Variants in TRIL observed in about 807,000 individuals in gnomAD.
TRIL encodes the protein TLR4 interactor with leucine rich repeats.
Under a neutral mutation model 43.0 loss-of-function variants are expected in TRIL, and 23 were observed. The ratio of observed to expected loss-of-function variants is 0.54; its 90% CI spans 0.39 to 0.76. TRIL has a LOEUF of 0.76. Ranked by LOEUF, TRIL falls within the 30% of genes least tolerant of loss-of-function variation. The probability of loss-of-function intolerance (pLI) is 0.00; values close to 1 mark genes in which losing one functional copy is unlikely to be tolerated. For synonymous variants in TRIL, 602 were observed against 556.8 expected (o/e 1.08, Z -1.14); for missense variants, 1,114 against 1,139.3 (o/e 0.98, Z 0.32).
rs1235171854 is a variant in TRIL at position 28,954,754 on chromosome 7, C to G, written c.*857G>C. On this transcript the variant is annotated 3_prime_UTR_variant, in exon 1 of 1. Transcript: ENST00000539664. ...CTACATATACATCACATTCTTTTAT[C>G]AAATCTGGCATTGAAATTTCCTTTT... 1.3e-5 allele frequency: 2 copies of G among 152,104 alleles called. No homozygotes were observed. The highest frequency in any genetic ancestry group is 4.8e-5 in the African/African-American group (2 of 41,412). The allele number at this position is 152,104 out of a possible 1,614,324, so 9.4% of individuals were successfully genotyped here.
In TRIL at chr7:28,954,110, A is replaced by G. The variant is rs1434114754; in HGVS notation, c.*1501T>C. On this transcript the variant is annotated 3_prime_UTR_variant, in exon 1 of 1. Coordinates refer to ENST00000539664, the MANE Select transcript of TRIL (RefSeq NM_014817.4). ...CACTGTGACCATAACCACAGTGTAC[A>G]TTCTCTTAGTGACTGCATTTTTAGA... 2.0e-5 allele frequency: 3 copies of G among 152,514 alleles called. No individual in the cohort carries two copies. The highest frequency in any genetic ancestry group is 4.4e-5 in the Non-Finnish European group (3 of 68,046). 9.4% of individuals were successfully genotyped at this position (152,514 alleles called of 1,614,324 possible).
Position 28,957,917 on chromosome 7 carries a change from T to G in TRIL, c.130A>C (p.Arg44=). 1 of 1,611,818 alleles carries G rather than the reference T, an allele frequency of 6.2e-7. No homozygotes were observed. The highest frequency in any genetic ancestry group is 8.5e-7 in the Non-Finnish European group (1 of 1,179,806). ...GTCTTGGGCACTACGCGGAGCCCCC[T>G]GTTGGTGCACAGGAGATGCTGGGGA... ...QHPQHLLCTN[R]GLRVVPKTSS... Residue 44 remains arginine, a synonymous_variant, in exon 1 of 1, where the codon AGG becomes CGG. Coordinates refer to ENST00000539664, the MANE Select transcript of TRIL (RefSeq NM_014817.4).
In TRIL at chr7:28,956,599, C is replaced by T; in HGVS notation, c.1448G>A (p.Arg483Lys). 1.3e-6 allele frequency: 2 copies of T among 1,572,382 alleles called. No individual in the cohort carries two copies. Among genetic ancestry groups the T allele is most frequent in the Non-Finnish European group, 1.7e-6 (2 of 1,165,938 alleles). The change falls in exon 1 of 1, where the codon AGG becomes AAG. Residue 483 changes from arginine to lysine, a missense_variant. Transcript: ENST00000539664. ...GAGGCCCGGGCCCCGCCGACTCAGC[C>T]TTAGGGCGCTGCGGTTGCCTACCAG... ...RELVGNRSAL[R>K]LSRRGPGLQQ...
chr7:28,957,794 G>A lies in TRIL; in HGVS notation c.253C>T (p.Leu85Phe). Residue 85 changes from leucine to phenylalanine, a missense_variant, in exon 1 of 1, where the codon CTC (leucine) becomes TTC (phenylalanine). Leu to Phe is a conservative substitution (Grantham distance 22). Transcript: ENST00000539664. ...TAFDFHRLGQ[L>F]RRLDLQYNQI... ...TTGTACTGCAGGTCCAGCCGTCTGA[G>A]CTGCCCCAGACGGTGGAAGTCGAAG... 1.2e-6 allele frequency: 2 copies of A among 1,614,004 alleles called. No individual in the cohort carries two copies. Among genetic ancestry groups the A allele is most frequent in the Non-Finnish European group, 8.5e-7 (1 of 1,179,868 alleles).
In TRIL at chr7:28,955,874, T is replaced by C. The variant is rs181361723; in HGVS notation, c.2173A>G (p.Lys725Glu). Residue 725 changes from lysine to glutamate, a missense_variant, in exon 1 of 1, where the codon AAA (lysine) becomes GAA (glutamate). Transcript: ENST00000539664. Reference protein sequence around the residue: ...AAWASRWLRRKLRARRKGGAP... With the variant: ...AAWASRWLRRELRARRKGGAP... Reference sequence around the variant, plus strand: ...CCGCCCTTCCGCCTAGCCCGCAGTTTCCTACGCAGCCAGCGAGACGCCCAG... The same window carrying C: ...CCGCCCTTCCGCCTAGCCCGCAGTTCCCTACGCAGCCAGCGAGACGCCCAG... 1 of 1,550,146 alleles carries C rather than the reference T, an allele frequency of 6.5e-7. No individual in the cohort carries two copies. The highest frequency in any genetic ancestry group is 8.7e-7 in the Non-Finnish European group (1 of 1,147,172).
In TRIL at chr7:28,956,195, C is replaced by T; in HGVS notation, c.1852G>A (p.Ala618Thr). The T allele has an allele frequency of 6.4e-7, 1 of 1,566,140 alleles. No homozygotes were observed. The highest frequency in any genetic ancestry group is 8.6e-7 in the Non-Finnish European group (1 of 1,157,652). ...CGGTCAAAGAGCAGGCGGAAGCGCG[C>T]GCCGCCCAGCGGCCGGGGACTGCGG... ...EHRSPRPLGG[A>T]RFRLLFDRFG... The change falls in exon 1 of 1, where the codon GCG becomes ACG. Residue 618 changes from alanine (A) to threonine (T), a missense_variant. Transcript: ENST00000539664.
chr7:28,956,605 G>T lies in TRIL; in HGVS notation c.1442C>A (p.Ala481Asp), dbSNP rs546161702. 2.1e-4 allele frequency: 337 copies of T among 1,571,164 alleles called. 1 individual carries two copies. The African/African-American group carries it at 4.1e-3, about 19-fold the overall frequency. ...CGGGCCCCGCCGACTCAGCCTTAGG[G>T]CGCTGCGGTTGCCTACCAGCTCCCT... ...AARELVGNRSALRLSRRGPGL... is the reference protein window; with the variant it reads ...AARELVGNRSDLRLSRRGPGL... The change falls in exon 1 of 1, where the codon GCC (alanine) becomes GAC (aspartate). Residue 481 changes from alanine (A) to aspartate (D), a missense_variant. Physicochemically the swap from Ala to Asp is moderately radical, Grantham distance 126 (BLOSUM62 -2). Coordinates refer to ENST00000539664, the MANE Select transcript of TRIL (RefSeq NM_014817.4).
In TRIL at chr7:28,955,224, G is replaced by T; in HGVS notation, c.*387C>A. 1 of 220,670 alleles carries T rather than the reference G, an allele frequency of 4.5e-6. No individual in the cohort carries two copies. The highest frequency in any genetic ancestry group is 9.7e-5 in the East Asian group (1 of 10,326). The allele number at this position is 220,670 out of a possible 1,614,324, so 13.7% of individuals were successfully genotyped here. Reference sequence around the variant, plus strand: ...CCTTAAATAGAAACAAAACTTCTCTGTTTGACACTGAGCAAACAAAAAGCA... The same window carrying T: ...CCTTAAATAGAAACAAAACTTCTCTTTTTGACACTGAGCAAACAAAAAGCA... On this transcript the variant is annotated 3_prime_UTR_variant, in exon 1 of 1. Transcript: ENST00000539664.
Position 28,957,566 on chromosome 7 carries a change from G to A in TRIL, c.481C>T (p.Arg161Trp), listed in dbSNP as rs1294272516. The change falls in exon 1 of 1, where the codon CGG becomes TGG. Residue 161 changes from arginine to tryptophan, a missense_variant. Coordinates refer to ENST00000539664, the MANE Select transcript of TRIL (RefSeq NM_014817.4). ...FEGLESLVKL[R>W]LDGNALGALP... is the part of the protein sequence containing the mutation. ...GCCCCCAGGGCGTTCCCGTCCAGCC[G>A]CAGCTTGACTAGACTCTCCAGGCCC... 6.2e-7 allele frequency: 1 copy of A among 1,612,106 alleles called. No individual in the cohort carries two copies. The highest frequency in any genetic ancestry group is 8.5e-7 in the Non-Finnish European group (1 of 1,179,516).
In TRIL at chr7:28,955,611, C is replaced by T. The variant is rs769747748; in HGVS notation, c.2436G>A (p.Ter812=). The change falls in exon 1 of 1, where the codon TAG becomes TAA. Residue 812 remains the stop codon, a stop_retained_variant. Transcript: ENST00000539664. ...EDRLLQRFAD[*] is the part of the protein sequence containing the mutation. ...GAGATGGTCTCTATATGCCCTGGAC[C>T]TAGTCGGCAAATCGCTGCAGGAGAC... The T allele has an allele frequency of 2.0e-6, 3 of 1,535,182 alleles. No homozygotes were observed. The highest frequency in any genetic ancestry group is 2.0e-5 in the Admixed American group (1 of 50,548).
Position 28,955,388 on chromosome 7 carries a change from C to T in TRIL, c.*223G>A, listed in dbSNP as rs1254482715. 7.8e-6 allele frequency: 5 copies of T among 642,178 alleles called. No homozygotes were observed. The highest frequency in any genetic ancestry group is 1.2e-5 in the Non-Finnish European group (5 of 404,836). The allele number at this position is 642,178 out of a possible 1,614,324, so 39.8% of individuals were successfully genotyped here. A position where few individuals can be genotyped will look rare whatever the true frequency, so the allele number is the denominator to read the frequency against. ...CTCCAAGCGAAGCCTCCGACCTCAG[C>T]ATCCCACCATCCATTTGTCCCCTAC... On this transcript the variant is annotated 3_prime_UTR_variant, in exon 1 of 1. Transcript: ENST00000539664.
chr7:28,956,449 G>T lies in TRIL; in HGVS notation c.1598C>A (p.Thr533Lys). Residue 533 changes from threonine (T) to lysine (K), a missense_variant, in exon 1 of 1, where the codon ACG (threonine) becomes AAG (lysine). Physicochemically the swap from Thr to Lys is moderately conservative, Grantham distance 78 (BLOSUM62 -1). Coordinates refer to ENST00000539664, the MANE Select transcript of TRIL (RefSeq NM_014817.4). ...CGATGGCGCAGAGCCAGGAGAGGCC[G>T]TTGGGGTGGGCTCCGCGAGGGCGGG... ...ADPALAEPTP[T>K]ASPGSAPSPA... 1 of 1,545,196 alleles carries T rather than the reference G, an allele frequency of 6.5e-7. No homozygotes were observed. The highest frequency in any genetic ancestry group is 8.7e-7 in the Non-Finnish European group (1 of 1,152,640).
chr7:28,956,912 A>T lies in TRIL; in HGVS notation c.1135T>A (p.Ser379Thr). 1 of 1,607,228 alleles carries T rather than the reference A, an allele frequency of 6.2e-7. No individual in the cohort carries two copies. The highest frequency in any genetic ancestry group is 8.5e-7 in the Non-Finnish European group (1 of 1,177,612). ...AAGACAGTGAGGAGCCGGCCCTGCG[A>T]GTGCCAGTCGCCCATCCAGCGCTTC... ...GLKRWMGDWH[S>T]QGRLLTVFVQ... The change falls in exon 1 of 1, where the codon TCG becomes ACG. Residue 379 changes from serine (S) to threonine (T), a missense_variant. Transcript: ENST00000539664.
Position 28,955,761 on chromosome 7 carries a change from G to A in TRIL, c.2286C>T (p.Phe762=), listed in dbSNP as rs750316713. Residue 762 remains phenylalanine, a synonymous_variant, in exon 1 of 1, where the codon TTC becomes TTT. Transcript: ENST00000539664. ...CGGTGGTGCGTGGCCGGTGCGACTGGAATCCCGAGAAGTCGGCGGACACGC... is the reference window on the plus strand; with the variant it reads ...CGGTGGTGCGTGGCCGGTGCGACTGAAATCCCGAGAAGTCGGCGGACACGC... The part of the protein sequence containing the change: ...GTGVSADFSG[F]QSHRPRTTVC... 1.1e-4 allele frequency: 168 copies of A among 1,550,370 alleles called. 2 individuals are homozygous for A. The East Asian group carries it at 4.0e-3, about 37-fold the overall frequency.
chr7:28,956,900 G>T lies in TRIL; in HGVS notation c.1147C>A (p.Leu383Ile). 6.2e-7 allele frequency: 1 copy of T among 1,608,354 alleles called. No individual in the cohort carries two copies. The highest frequency in any genetic ancestry group is 8.5e-7 in the Non-Finnish European group (1 of 1,177,932). Residue 383 changes from leucine (L) to isoleucine (I), a missense_variant, in exon 1 of 1, where the codon CTC becomes ATC. Physicochemically the swap from Leu to Ile is conservative, Grantham distance 5. Coordinates refer to ENST00000539664, the MANE Select transcript of TRIL (RefSeq NM_014817.4). ...WMGDWHSQGR[L>I]LTVFVQCRHP... is the part of the protein sequence containing the mutation. ...CGACACTGCACGAAGACAGTGAGGAGCCGGCCCTGCGAGTGCCAGTCGCCC... is the reference window on the plus strand; with the variant it reads ...CGACACTGCACGAAGACAGTGAGGATCCGGCCCTGCGAGTGCCAGTCGCCC...
At position 28,954,228 on chromosome 7, in the gene TRIL, G is replaced by C. The variant is rs968850557; in HGVS notation, c.*1383C>G. The C allele has an allele frequency of 6.6e-6, 1 of 152,472 alleles. No individual in the cohort carries two copies. Among genetic ancestry groups the C allele is most frequent in the African/African-American group, 2.4e-5 (1 of 41,440 alleles). 9.4% of individuals were successfully genotyped at this position (152,472 alleles called of 1,614,324 possible). On this transcript the variant is annotated 3_prime_UTR_variant, in exon 1 of 1. Transcript: ENST00000539664. ...GCAGGGAATGAAAGTATCCCAAATA[G>C]TTGGAAACAACTGAACAAATAAAGG...
chr7:28,956,861 G>C lies in TRIL; in HGVS notation c.1186C>G (p.Leu396Val), dbSNP rs764030763. The C allele has an allele frequency of 1.2e-6, 2 of 1,607,640 alleles. No individual in the cohort carries two copies. The highest frequency in any genetic ancestry group is 1.7e-6 in the Non-Finnish European group (2 of 1,176,006). The part of the protein sequence containing the change: ...VFVQCRHPPA[L>V]RGKYLDYLDD... The stretch of plus-strand genomic sequence containing the variant: ...AGGTAATCCAGGTATTTGCCTCGCA[G>C]GGCCGGGGGGTGGCGACACTGCACG... Residue 396 changes from leucine (L) to valine (V), a missense_variant, in exon 1 of 1, where the codon CTG (leucine) becomes GTG (valine). Coordinates refer to ENST00000539664, the MANE Select transcript of TRIL (RefSeq NM_014817.4).
rs1783377136 is a variant in TRIL, at chr7:28,955,129, T to G, written c.*482A>C. On this transcript the variant is annotated 3_prime_UTR_variant, in exon 1 of 1. Coordinates refer to ENST00000539664, the MANE Select transcript of TRIL (RefSeq NM_014817.4). ...ACTTTACCACCTGTTTACATCCCCC[T>G]TCTTGGCAGAGATCACCAAACCAGT... is the stretch of plus-strand genomic sequence containing the variant. 1 of 158,088 alleles carries G rather than the reference T, an allele frequency of 6.3e-6. No homozygotes were observed. Among genetic ancestry groups the G allele is most frequent in the Non-Finnish European group, 1.4e-5 (1 of 72,380 alleles). 9.8% of individuals were successfully genotyped at this position (158,088 alleles called of 1,614,324 possible). A position where few individuals can be genotyped will look rare whatever the true frequency, so the allele number is the denominator to read the frequency against.
rs202115410 is a variant in TRIL at position 28,956,554 on chromosome 7, A to T, written c.1493T>A (p.Val498Asp). ...GPGLQQPSPS[V>D]AAAAGPAPQS... ...TGGAGCCGGGCCCGCGGCGGCAGCG[A>T]CGGAGGGGCTGGGCTGCTGGAGGCC... The change falls in exon 1 of 1, where the codon GTC (valine) becomes GAC (aspartate). Residue 498 changes from valine to aspartate, a missense_variant. By Grantham distance (152) the Val-to-Asp change is radical. Coordinates refer to ENST00000539664, the MANE Select transcript of TRIL (RefSeq NM_014817.4). 624 of 1,555,698 alleles carry T rather than the reference A, an allele frequency of 4.0e-4. 6 individuals are homozygous for T. The highest frequency in any genetic ancestry group is 4.6e-5 in the Non-Finnish European group (53 of 1,159,250).
Sources: gnomAD v4.1 joint callset for allele counts on GRCh38, gnomAD v4.1.1 for gene constraint, MANE v1.5 for transcripts, NCBI Gene and HGNC (gene_info 2026-07-23, HGNC 2026-07-21) for gene names.